EFCAB11: variants seen among roughly 807,000 people sequenced by gnomAD.
The protein encoded by EFCAB11 is EF-hand calcium binding domain 11.
Under a neutral mutation model 23.0 loss-of-function variants are expected in EFCAB11, and 14 were observed. The ratio of observed to expected loss-of-function variants is 0.61; its 90% CI spans 0.40 to 0.95. The LOEUF (loss-of-function observed/expected upper bound fraction) is 0.95. Among genes scored for constraint, EFCAB11 ranks in the 40% least tolerant of loss-of-function variants. The probability of loss-of-function intolerance (pLI) is 0.00; values close to 1 mark genes in which losing one functional copy is unlikely to be tolerated. For missense variants in EFCAB11, 198 were observed against 195.8 expected (o/e 1.01, Z -0.07); for synonymous variants, 65 against 66.6 (o/e 0.98, Z 0.11).
chr14:89,947,813 T>C (rs1215077870), intron 3 of EFCAB11, among the ~76,000 whole-genome samples: 2 of 152,166 alleles, frequency 1.3e-5, no homozygotes, highest in Admixed American at 6.5e-5. Flanking sequence ...GGTGGTCTCA[T>C]TCATTCTCAT....
At chr14:89,905,196 G>A (rs1221817165) in intron 5 of EFCAB11, among the ~76,000 whole-genome samples, 1 of 152,132 alleles carries the variant, frequency 6.6e-6, no homozygotes, top group Non-Finnish European at 1.5e-5. Context: ...ATAAGGCTTG[G>A]AGGATTCACA....
chr14:89,868,266 G>C (rs564814160), intron 5 of EFCAB11, among the ~76,000 whole-genome samples: 1 of 152,186 alleles, frequency 6.6e-6, no homozygotes, highest in Non-Finnish European at 1.5e-5. Flanking sequence ...AAGACCAGTA[G>C]GACTAAGCTA....
chr14:89,901,900 T>C (rs1285195886), intron 5 of EFCAB11, among the ~76,000 whole-genome samples: 1 of 152,096 alleles, frequency 6.6e-6, no homozygotes, highest in Admixed American at 6.5e-5. Context: ...AGATTTCAAA[T>C]TTTCAGATTG....
At chr14:89,948,772 T>C (rs1010824878) in intron 3 of EFCAB11, among the ~76,000 whole-genome samples, 1 of 151,920 alleles carries the variant, frequency 6.6e-6, no homozygotes. Context: ...TTATGGGATC[T>C]AAAAATCAAG....
chr14:89,902,271 T>A (rs865957998), intron 5 of EFCAB11, among the ~76,000 whole-genome samples: 2 of 152,296 alleles, frequency 1.3e-5, no homozygotes, highest in Non-Finnish European at 1.5e-5. Context: ...TTCCCTAACT[T>A]CCCAATTTTA....
chr14:89,934,728 G>A (rs1197334799), intron 3 of EFCAB11, among the ~76,000 whole-genome samples: 2 of 152,276 alleles, frequency 1.3e-5, no homozygotes, highest in South Asian at 2.1e-4. Context: ...AGAACATAAT[G>A]ACAAATTGTT....
chr14:89,905,987 C>T (rs910554772), intron 5 of EFCAB11, among the ~76,000 whole-genome samples: 1 of 152,036 alleles, frequency 6.6e-6, no homozygotes, highest in African/African-American at 2.4e-5. Flanking sequence ...ATATGGTGAA[C>T]TCAAGGTGAC....
chr14:89,876,131 G>A (rs1888431337), intron 5 of EFCAB11, among the ~76,000 whole-genome samples: 1 of 152,168 alleles, frequency 6.6e-6, no homozygotes, highest in African/African-American at 2.4e-5. Context: ...CAGAAGTAGA[G>A]ACTGTGGGGA....
intron 5 of EFCAB11, among the ~76,000 whole-genome samples, chr14:89,852,859 CT>C (rs1887638513): frequency 6.6e-6 from 1 of 152,180 alleles, no homozygotes; most frequent in African/African-American, 2.4e-5. Flanking sequence ...CTCCTGTCCC[CT>C]GTCCCCATCC....
rs980297047 is a variant in EFCAB11 at position 89,842,670 on chromosome 14, C to T, written c.411-45346G>A. 8.6e-5 allele frequency among the ~76,000 whole-genome samples: 13 copies of T among 152,030 alleles called. 1 individual carries two copies. The highest frequency in any genetic ancestry group is 2.2e-4 in the African/African-American group (9 of 41,336). On this transcript the variant is annotated intron_variant, in intron 5 of 5. Coordinates refer to ENST00000316738, the MANE Select transcript of EFCAB11 (RefSeq NM_145231.4). ...ATAATGTCCCTCTCGTGTCTTAAAA[C>T]GCCCCAGTATCTTCCAGTTCCCCTC...
intron 5 of EFCAB11, among the ~76,000 whole-genome samples, chr14:89,915,926 T>C (rs1889825379): frequency 6.6e-6 from 1 of 152,166 alleles, no homozygotes; most frequent in Non-Finnish European, 1.5e-5. Flanking sequence ...AAGATTCCTG[T>C]CTCAAAGATG....
chr14:89,839,759 G>T (rs1012901458), intron 5 of EFCAB11, among the ~76,000 whole-genome samples: 1 of 151,600 alleles, frequency 6.6e-6, no homozygotes, highest in Non-Finnish European at 1.5e-5. Context: ...GAATGCAAAG[G>T]GGGAGCCAGA....
chr14:89,871,051 A>G (rs1422572774), intron 5 of EFCAB11, among the ~76,000 whole-genome samples: 1 of 152,202 alleles, frequency 6.6e-6, no homozygotes, highest in Non-Finnish European at 1.5e-5. Flanking sequence ...TTCATTTCTC[A>G]TTCTCTTGCT....
Position 89,795,433 on chromosome 14 carries a change from G to C in EFCAB11, c.*1810C>G, listed in dbSNP as rs552756339. Reference sequence around the variant, plus strand: ...CTCACGCCTGTAATCCCAGCACTTTGGGAGGCCGAGGCAGACGGATCACTT... The same window carrying C: ...CTCACGCCTGTAATCCCAGCACTTTCGGAGGCCGAGGCAGACGGATCACTT... On this transcript the variant is annotated 3_prime_UTR_variant, in exon 6 of 6. Coordinates refer to ENST00000316738, the MANE Select transcript of EFCAB11 (RefSeq NM_145231.4). 3 of 152,002 alleles carry C rather than the reference G, an allele frequency of 2.0e-5. No individual in the cohort carries two copies. The East Asian group carries it at 5.9e-4, about 30-fold the overall frequency. The allele number at this position is 152,002 out of a possible 1,614,324, so 9.4% of individuals were successfully genotyped here.
At chr14:89,843,123 A>G (rs1887323867) in intron 5 of EFCAB11, among the ~76,000 whole-genome samples, 1 of 152,140 alleles carries the variant, frequency 6.6e-6, no homozygotes, top group South Asian at 2.1e-4. Context: ...CAAGCCCACT[A>G]TATAATATTC....
chr14:89,842,642 A>G (rs564774778), intron 5 of EFCAB11, among the ~76,000 whole-genome samples: 7 of 144,900 alleles, frequency 4.8e-5, no homozygotes, highest in South Asian at 2.1e-4. Flanking sequence ...GATATGATAT[A>G]ATATAATGTC....
At chr14:89,803,324 T>C (rs1309321153) in intron 5 of EFCAB11, among the ~76,000 whole-genome samples, 1 of 152,242 alleles carries the variant, frequency 6.6e-6, no homozygotes, top group East Asian at 1.9e-4. Context: ...CCCAACACTC[T>C]AAGGTTTTGA....
intron 5 of EFCAB11, among the ~76,000 whole-genome samples, chr14:89,820,289 C>G (rs1413751565): frequency 6.6e-6 from 1 of 152,088 alleles, no homozygotes; most frequent in East Asian, 1.9e-4. Flanking sequence ...TTCTAAAGCT[C>G]TCTCCAAAGG....
At chr14:89,842,124 T>C (rs999698320) in intron 5 of EFCAB11, among the ~76,000 whole-genome samples, 3 of 152,164 alleles carry the variant, frequency 2.0e-5, no homozygotes, top group African/African-American at 7.2e-5. Context: ...ACCATTTACC[T>C]AGTTCTGTAA....
Sources: allele counts gnomAD v4.1 joint callset (sites outside exome capture counted in the v4.1 genomes callset), GRCh38; gene constraint gnomAD v4.1.1; transcripts MANE v1.5; gene names NCBI Gene and HGNC (gene_info 2026-07-23, HGNC 2026-07-21).